Variants in DRD2 observed in about 807,000 individuals in gnomAD.
The protein encoded by DRD2 is dopamine receptor D2.
DRD2 carries 8 observed loss-of-function variants against 38.0 expected under a neutral mutation model. That is an observed-to-expected ratio of 0.21 (90% CI 0.12 to 0.38). The LOEUF (loss-of-function observed/expected upper bound fraction) is 0.38, where lower values mean the gene tolerates loss of function less well. Ranked by LOEUF, DRD2 falls within the 10% of genes least tolerant of loss-of-function variation. DRD2 has a pLI of 1.00. For missense variants in DRD2, 403 were observed against 607.7 expected (o/e 0.66, Z 3.54); for synonymous variants, 230 against 238.6 (o/e 0.96, Z 0.33).
intron 7 of DRD2, 95 bp from the exon 8 acceptor site, chr11:113,411,015 C>T (rs1056373509): frequency 3.0e-4 from 417 of 1,373,286 alleles, no homozygotes; most frequent in Non-Finnish European, 3.8e-4. Flanking sequence ...TATGCCAAGA[C>T]GGTGGGCTGT....
At chr11:113,442,755 T>A (rs1951106316) in intron 1 of DRD2, among the ~76,000 whole-genome samples, 1 of 152,218 alleles carries the variant, frequency 6.6e-6, no homozygotes, top group South Asian at 2.1e-4. Flanking sequence ...CTTCAGCAAC[T>A]GAGGTGCGTG....
At chr11:113,428,079 A>G (rs1950955940) in intron 1 of DRD2, among the ~76,000 whole-genome samples, 1 of 152,212 alleles carries the variant, frequency 6.6e-6, no homozygotes, top group Non-Finnish European at 1.5e-5. Context: ...CCCAGCCTCC[A>G]GAACTATGAG....
chr11:113,411,320 C>T (rs1296707856), intron 7 of DRD2, among the ~76,000 whole-genome samples: 2 of 152,192 alleles, frequency 1.3e-5, no homozygotes, highest in African/African-American at 4.8e-5. Flanking sequence ...AAGAAAAACA[C>T]TCACAACAGC....
At chr11:113,435,095 C>T (rs1951023433) in intron 1 of DRD2, among the ~76,000 whole-genome samples, 1 of 152,176 alleles carries the variant, frequency 6.6e-6, no homozygotes, top group South Asian at 2.1e-4. Context: ...GGGAGTGTGG[C>T]ATCTCTGAGA....
At chr11:113,448,448 C>A (rs1292292018) in intron 1 of DRD2, among the ~76,000 whole-genome samples, 3 of 152,236 alleles carry the variant, frequency 2.0e-5, no homozygotes, top group African/African-American at 4.8e-5. Context: ...CCTGTCAGAG[C>A]TGCTCCCCAC....
At chr11:113,465,503 G>A (rs987238483) in intron 1 of DRD2, among the ~76,000 whole-genome samples, 2 of 152,048 alleles carry the variant, frequency 1.3e-5, no homozygotes, top group Non-Finnish European at 2.9e-5. Context: ...CCTTCAAGTT[G>A]GCTTCTTTTT....
In DRD2 at chr11:113,416,861, A is replaced by C. The variant is rs552009249; in HGVS notation, c.532+2T>G. ...CCTCAGGCAAACAAAAGCAGAATGT[A>C]CCTGCGTTATTGAGTCCGAAGAGGA... On this transcript the variant is annotated splice_donor_variant, in intron 4 of 7. Coordinates refer to ENST00000362072, the MANE Select transcript of DRD2 (RefSeq NM_000795.4). LOFTEE classifies it high-confidence loss of function. The C allele has an allele frequency of 6.2e-7, 1 of 1,613,780 alleles. No homozygotes were observed. The highest frequency in any genetic ancestry group is 8.5e-7 in the Non-Finnish European group (1 of 1,179,836).
At position 113,473,392 on chromosome 11, in the gene DRD2, G is replaced by A. The variant is rs142272215; in HGVS notation, c.-32+1684C>T. On this transcript the variant is annotated intron_variant, in intron 1 of 7. Coordinates refer to ENST00000362072, the MANE Select transcript of DRD2 (RefSeq NM_000795.4). The stretch of plus-strand genomic sequence containing the variant: ...CATTCAGCAGTTTTTCAAGGAAGAA[G>A]CAAAAATACGCATTTTTAACCAGCT... 8.6e-4 allele frequency among the ~76,000 whole-genome samples: 131 copies of A among 152,236 alleles called. 1 individual carries two copies. The highest frequency in any genetic ancestry group is 3.0e-3 in the African/African-American group (125 of 41,558).
intron 1 of DRD2, among the ~76,000 whole-genome samples, chr11:113,454,575 G>T (rs376185290): frequency 6.6e-6 from 1 of 152,022 alleles, no homozygotes; most frequent in Non-Finnish European, 1.5e-5. Context: ...TCTGTACTTC[G>T]TCCTGGCTGA....
intron 1 of DRD2, among the ~76,000 whole-genome samples, chr11:113,451,595 A>C (rs1276533713): frequency 6.6e-6 from 1 of 152,084 alleles, no homozygotes; most frequent in African/African-American, 2.4e-5. Context: ...GGTTCAAGTG[A>C]TTCTCCTGCC....
At chr11:113,444,138 C>T (rs1009523086) in intron 1 of DRD2, among the ~76,000 whole-genome samples, 4 of 152,182 alleles carry the variant, frequency 2.6e-5, no homozygotes, top group African/African-American at 7.2e-5. Context: ...CGGGTTCAAG[C>T]GATTCTACTG....
At chr11:113,437,377 T>C (rs980591362) in intron 1 of DRD2, among the ~76,000 whole-genome samples, 1 of 152,126 alleles carries the variant, frequency 6.6e-6, no homozygotes, top group African/African-American at 2.4e-5. Flanking sequence ...CACGGTTCCT[T>C]CATGGGGATG....
At chr11:113,473,317 T>C (rs1565682853) in intron 1 of DRD2, among the ~76,000 whole-genome samples, 1 of 152,206 alleles carries the variant, frequency 6.6e-6, no homozygotes, top group Non-Finnish European at 1.5e-5. Flanking sequence ...CATGAATCAC[T>C]CAGAAACATT....
intron 4 of DRD2, among the ~76,000 whole-genome samples, chr11:113,416,189 T>A (rs1222997503): frequency 6.6e-6 from 1 of 152,234 alleles, no homozygotes; most frequent in Non-Finnish European, 1.5e-5. Flanking sequence ...GTGATGCTTA[T>A]AATAGATACC....
Position 113,472,774 on chromosome 11 carries a change from C to G in DRD2, c.-32+2302G>C, listed in dbSNP as rs35921774. Among the ~76,000 whole-genome samples, 1,491 of 152,282 alleles carry G rather than the reference C, an allele frequency of 9.8e-3. 12 individuals are homozygous for G. Among genetic ancestry groups the G allele is most frequent in the Admixed American group, 0.016 (245 of 15,304 alleles). On this transcript the variant is annotated intron_variant, in intron 1 of 7. Transcript: ENST00000362072. ...ACATGCATAATGAAAGACAATAACT[C>G]ACCCAGAGGGGAGGGCAGGAGGGAA...
intron 1 of DRD2, among the ~76,000 whole-genome samples, chr11:113,460,838 A>T (rs1316589951): frequency 6.6e-6 from 1 of 152,230 alleles, no homozygotes; most frequent in Non-Finnish European, 1.5e-5. Flanking sequence ...GCACTCAGGG[A>T]GGTAGTGAAG....
At chr11:113,440,493 G>A (rs971827917) in intron 1 of DRD2, among the ~76,000 whole-genome samples, 1 of 152,228 alleles carries the variant, frequency 6.6e-6, no homozygotes, top group Non-Finnish European at 1.5e-5. Flanking sequence ...TGTCCCAGGA[G>A]CCTGGGAAAA....
At chr11:113,471,656 C>T (rs1300051826) in intron 1 of DRD2, among the ~76,000 whole-genome samples, 1 of 152,154 alleles carries the variant, frequency 6.6e-6, no homozygotes, top group Non-Finnish European at 1.5e-5. Context: ...GCTCCAGTTG[C>T]TGAGTCCAGT....
chr11:113,447,269 G>A (rs1393861594), intron 1 of DRD2, among the ~76,000 whole-genome samples: 1 of 152,120 alleles, frequency 6.6e-6, no homozygotes, highest in Non-Finnish European at 1.5e-5. Context: ...AATTGCTCAG[G>A]CTCCGTGATG....
Sources: allele counts gnomAD v4.1 joint callset (sites outside exome capture counted in the v4.1 genomes callset), GRCh38; gene constraint gnomAD v4.1.1; transcripts MANE v1.5; gene names NCBI Gene and HGNC (gene_info 2026-07-23, HGNC 2026-07-21).